Variants in TMEM132B observed in about 807,000 individuals in gnomAD.
The protein encoded by TMEM132B is transmembrane protein 132B.
In TMEM132B, 18 loss-of-function variants were observed where a neutral mutation model predicts 90.8. That is an observed-to-expected ratio of 0.20 (90% CI 0.14 to 0.29). The LOEUF (loss-of-function observed/expected upper bound fraction) is 0.29, where lower values mean the gene tolerates loss of function less well. Among genes scored for constraint, TMEM132B ranks in the 10% least tolerant of loss-of-function variants. The pLI, the probability that TMEM132B is intolerant of heterozygous loss-of-function variation, is 1.00. For synonymous variants in TMEM132B, 504 were observed against 523.3 expected, an observed-to-expected ratio of 0.96 and a Z score of 0.50; for missense variants, 1,096 against 1,326.8, an observed-to-expected ratio of 0.83 and a Z score of 2.70.
At chr12:125,444,909 G>A (rs1880963385) in intron 3 of TMEM132B, among the ~76,000 whole-genome samples, 2 of 152,140 alleles carry the variant, frequency 1.3e-5, no homozygotes, top group Non-Finnish European at 1.5e-5. Context: ...TGCTGCCCGA[G>A]AATTTCCACC....
intron 3 of TMEM132B, among the ~76,000 whole-genome samples, chr12:125,504,750 G>A (rs1187758429): frequency 6.6e-6 from 1 of 152,094 alleles, no homozygotes; most frequent in Non-Finnish European, 1.5e-5. Context: ...CATTGGATGA[G>A]TTTCTCATTT....
At chr12:125,417,762 C>T (rs562814990) in intron 3 of TMEM132B, among the ~76,000 whole-genome samples, 8 of 152,342 alleles carry the variant, frequency 5.3e-5, no homozygotes, top group African/African-American at 1.9e-4. Flanking sequence ...CAGCAAACAT[C>T]TGCTAACTTG....
intron 4 of TMEM132B, among the ~76,000 whole-genome samples, chr12:125,559,280 G>C (rs1884464275): frequency 2.6e-5 from 4 of 152,144 alleles, no homozygotes; most frequent in Admixed American, 1.3e-4. Flanking sequence ...TGAGAGGACT[G>C]CTTGAACCCA....
chr12:125,611,478 C>A (rs1182977951), intron 5 of TMEM132B, among the ~76,000 whole-genome samples: 2 of 151,880 alleles, frequency 1.3e-5, no homozygotes, highest in Non-Finnish European at 2.9e-5. Context: ...TTTCCACTGT[C>A]TGAAGGTAGA....
At position 125,465,862 on chromosome 12, in the gene TMEM132B, C is replaced by T. The variant is rs549623810; in HGVS notation, c.1106+50185C>T. Among the ~76,000 whole-genome samples the T allele has an allele frequency of 5.3e-5, 8 of 152,270 alleles. No individual in the cohort carries two copies. The South Asian group carries it at 1.0e-3, about 20-fold the overall frequency. ...TTTAAAATTCTGGGGCCCCCTGCCT[C>T]GCTCTCTCTTGCTCCTGCTCTTGCC... is the stretch of plus-strand genomic sequence containing the variant. On this transcript the variant is annotated intron_variant, in intron 3 of 8. Transcript: ENST00000682704.
At chr12:125,533,676 C>T (rs1566065771) in intron 4 of TMEM132B, among the ~76,000 whole-genome samples, 1 of 151,796 alleles carries the variant, frequency 6.6e-6, no homozygotes, top group Non-Finnish European at 1.5e-5. Context: ...GCCCTCCCCT[C>T]CCCGGCGGAG....
intron 3 of TMEM132B, among the ~76,000 whole-genome samples, chr12:125,494,613 T>A (rs1458816462): frequency 1.0e-5 from 1 of 96,284 alleles, no homozygotes; most frequent in Non-Finnish European, 2.0e-5. Flanking sequence ...AATGGCCGCG[T>A]CCCTCCTCCC....
At chr12:125,223,924 C>T (rs531703334) in intron 1 of TMEM132B, among the ~76,000 whole-genome samples, 282 of 152,216 alleles carry the variant, frequency 1.9e-3, no homozygotes, top group African/African-American at 6.5e-3. Flanking sequence ...TTACAGGCGC[C>T]TGCCACCACA....
intron 5 of TMEM132B, among the ~76,000 whole-genome samples, chr12:125,588,669 T>A (rs912742149): frequency 3.4e-4 from 52 of 152,250 alleles, no homozygotes; most frequent in African/African-American, 9.4e-4. Context: ...TAGATTTTTT[T>A]AAAAAAATGT....
At chr12:125,564,971 C>G (rs1349986557) in intron 4 of TMEM132B, among the ~76,000 whole-genome samples, 1 of 152,078 alleles carries the variant, frequency 6.6e-6, no homozygotes, top group Non-Finnish European at 1.5e-5. Flanking sequence ...CCATGAAAAA[C>G]TGAGGTGGGA....
chr12:125,596,414 C>T (rs1002509648), intron 5 of TMEM132B, among the ~76,000 whole-genome samples: 5 of 152,130 alleles, frequency 3.3e-5, no homozygotes, highest in Non-Finnish European at 7.4e-5. Context: ...CTCATATACC[C>T]AATTTATTCC....
intron 2 of TMEM132B, among the ~76,000 whole-genome samples, chr12:125,387,420 A>G (rs776720300): frequency 1.4e-4 from 22 of 152,178 alleles, no homozygotes; most frequent in Non-Finnish European, 2.9e-4. Context: ...TTGCCCTTGC[A>G]GGAAGGTGAA....
At chr12:125,343,330 C>T (rs1030453919) in intron 1 of TMEM132B, among the ~76,000 whole-genome samples, 1 of 151,800 alleles carries the variant, frequency 6.6e-6, no homozygotes, top group Non-Finnish European at 1.5e-5. Context: ...TCCTGCTCTA[C>T]CTGAGAATCC....
chr12:125,590,348 A>T (rs1261771166), intron 5 of TMEM132B, among the ~76,000 whole-genome samples: 1 of 152,190 alleles, frequency 6.6e-6, no homozygotes, highest in Non-Finnish European at 1.5e-5. Flanking sequence ...TTCTTTTCCC[A>T]GTCCTAAGCA....
At chr12:125,432,395 A>G (rs1295243706) in intron 3 of TMEM132B, among the ~76,000 whole-genome samples, 13 of 108,030 alleles carry the variant, frequency 1.2e-4, no homozygotes, top group Non-Finnish European at 1.8e-4. Flanking sequence ...ATATATATAT[A>G]TATGTATGTA....
At chr12:125,359,331 T>C (rs758424026) in intron 2 of TMEM132B, among the ~76,000 whole-genome samples, 7 of 152,202 alleles carry the variant, frequency 4.6e-5, no homozygotes, top group Non-Finnish European at 1.0e-4. Context: ...TGCGATTTTA[T>C]TAGTTATGTT....
intron 1 of TMEM132B, among the ~76,000 whole-genome samples, chr12:125,271,735 TATTACCTTC>T (rs1874841613): frequency 6.6e-6 from 1 of 152,076 alleles, no homozygotes; most frequent in African/African-American, 2.4e-5. Flanking sequence ...TTTTTTAATA[TATTACCTTC>T]ATTACCTTTA....
intron 1 of TMEM132B, among the ~76,000 whole-genome samples, chr12:125,187,383 C>T (rs932056084): frequency 2.0e-4 from 31 of 152,220 alleles, no homozygotes; most frequent in Non-Finnish European, 3.7e-4. Context: ...CGCGGCCCTC[C>T]CCTGCTTTCA....
chr12:125,332,685 A>C (rs146051458), intron 1 of TMEM132B, among the ~76,000 whole-genome samples: 38 of 143,604 alleles, frequency 2.6e-4, no homozygotes, highest in African/African-American at 9.3e-4. Flanking sequence ...ACAGGATTGT[A>C]AAAGGGATGT....
Sources: allele counts gnomAD v4.1 joint callset (sites outside exome capture counted in the v4.1 genomes callset), GRCh38; gene constraint gnomAD v4.1.1; transcripts MANE v1.5; gene names NCBI Gene and HGNC (gene_info 2026-07-23, HGNC 2026-07-21).